PIK3R3: variants seen among roughly 807,000 people sequenced by gnomAD.
PIK3R3 encodes the protein phosphatidylinositol 3-kinase regulatory subunit gamma.
A neutral mutation model predicts 62.9 loss-of-function variants in PIK3R3; 64 were observed. The ratio of observed to expected loss-of-function variants is 1.02; its 90% CI spans 0.83 to 1.25. The LOEUF is 1.25. Among genes scored for constraint, PIK3R3 ranks in the 50% most tolerant of loss-of-function variants. The pLI, the probability that PIK3R3 is intolerant of heterozygous loss-of-function variation, is 0.00. For synonymous variants in PIK3R3, 165 were observed against 189.0 expected (o/e 0.87, Z 1.04); for missense variants, 614 against 561.6 (o/e 1.09, Z -0.94).
chr1:46,121,477 A>G (rs1654668766), intron 1 of PIK3R3, among the ~76,000 whole-genome samples: 1 of 152,126 alleles, frequency 6.6e-6, no homozygotes, highest in African/African-American at 2.4e-5. Flanking sequence ...ATTTTGATTC[A>G]TAATTGAATT....
At chr1:46,089,974 A>C (rs1452325509) in intron 1 of PIK3R3, among the ~76,000 whole-genome samples, 2 of 152,162 alleles carry the variant, frequency 1.3e-5, no homozygotes, top group African/African-American at 2.4e-5. Context: ...AAAAATAGGG[A>C]GGTAAAACAC....
chr1:46,116,160 T>C (rs1458625030), intron 1 of PIK3R3, among the ~76,000 whole-genome samples: 2 of 152,174 alleles, frequency 1.3e-5, no homozygotes, highest in Admixed American at 1.3e-4. Context: ...AGGCTGGTTC[T>C]TCCTCTGAAT....
chr1:46,094,052 G>C (rs1227119151), intron 1 of PIK3R3, among the ~76,000 whole-genome samples: 1 of 151,250 alleles, frequency 6.6e-6, no homozygotes, highest in Non-Finnish European at 1.5e-5. Context: ...CTGGGCAACA[G>C]AGTGAGACCC....
the PIK3R3 span, among the ~76,000 whole-genome samples, chr1:46,155,941 T>C: frequency 6.6e-6 from 1 of 152,192 alleles, no homozygotes; most frequent in Non-Finnish European, 1.5e-5. Flanking sequence ...TCTGAGTATT[T>C]ATAACAGAAA....
intron 1 of PIK3R3, among the ~76,000 whole-genome samples, chr1:46,129,598 G>GTATT (rs1458614828): frequency 3.3e-5 from 5 of 152,018 alleles, no homozygotes; most frequent in Admixed American, 6.6e-5. Context: ...AGTCCAGGAA[G>GTATT]GAAATAATAA....
chr1:46,089,526 T>C (rs529850437), intron 1 of PIK3R3, among the ~76,000 whole-genome samples: 5 of 152,082 alleles, frequency 3.3e-5, no homozygotes, highest in East Asian at 3.9e-4. Context: ...CCATCCTGGC[T>C]AACACAGTGA....
intron 2 of PIK3R3, among the ~76,000 whole-genome samples, chr1:46,079,882 A>T (rs550707437): frequency 1.4e-5 from 2 of 141,488 alleles, no homozygotes; most frequent in Non-Finnish European, 1.6e-5. Flanking sequence ...TGAACCCAAG[A>T]GGCGGAGGTT....
intron 6 of PIK3R3, among the ~76,000 whole-genome samples, chr1:46,059,150 T>C (rs1422306207): frequency 1.3e-5 from 2 of 152,248 alleles, no homozygotes; most frequent in African/African-American, 2.4e-5. Context: ...CTGCCATCCA[T>C]GTAAGACGTG....
the PIK3R3 span, among the ~76,000 whole-genome samples, chr1:46,139,768 G>A: frequency 6.6e-6 from 1 of 152,138 alleles, no homozygotes; most frequent in East Asian, 1.9e-4. Context: ...ACTTCTCACT[G>A]ATTCTGTTCT....
intron 5 of PIK3R3, among the ~76,000 whole-genome samples, chr1:46,062,803 G>A (rs1371182178): frequency 1.3e-5 from 2 of 152,030 alleles, no homozygotes; most frequent in African/African-American, 4.8e-5. Flanking sequence ...TTTCGGTTTC[G>A]GTTTCAGTTT....
intron 1 of PIK3R3, among the ~76,000 whole-genome samples, chr1:46,083,256 TG>T: frequency 6.6e-6 from 1 of 152,266 alleles, no homozygotes; most frequent in Non-Finnish European, 1.5e-5. Context: ...AACTAAAAAT[TG>T]ATCAAAGACC....
At chr1:46,152,529 T>C in the PIK3R3 span, among the ~76,000 whole-genome samples, 1 of 152,020 alleles carries the variant, frequency 6.6e-6, no homozygotes, top group Non-Finnish European at 1.5e-5. Flanking sequence ...CATTCCCTGG[T>C]ATCTCCCTTG....
At chr1:46,149,140 G>A in the PIK3R3 span, among the ~76,000 whole-genome samples, 176 of 152,158 alleles carry the variant, frequency 1.2e-3, 1 homozygote, top group African/African-American at 3.9e-3. Flanking sequence ...AGATACTCCC[G>A]GCTGGGCGGA....
intron 3 of PIK3R3, among the ~76,000 whole-genome samples, chr1:46,071,730 T>TAGAGAGAGAGAGAGAGAGAGAGAG (rs140765040): frequency 1.0e-4 from 6 of 59,062 alleles, no homozygotes; most frequent in African/African-American, 4.7e-4. Flanking sequence ...TATATATATA[T>TAGAGAGAGAGAGAGAGAGAGAGAG]AGAGAGAGAG....
the PIK3R3 span, among the ~76,000 whole-genome samples, chr1:46,140,251 C>A: frequency 6.6e-6 from 1 of 152,212 alleles, no homozygotes; most frequent in Non-Finnish European, 1.5e-5. Context: ...GCCGCAGCCT[C>A]CCATGTGCTA....
At chr1:46,049,930 G>A (rs1376031940) in intron 7 of PIK3R3, among the ~76,000 whole-genome samples, 2 of 151,984 alleles carry the variant, frequency 1.3e-5, no homozygotes, top group Non-Finnish European at 2.9e-5. Context: ...GACCAGGCTG[G>A]CTAACATGGT....
chr1:46,089,868 T>A, intron 1 of PIK3R3, among the ~76,000 whole-genome samples: 1 of 149,180 alleles, frequency 6.7e-6, no homozygotes, highest in African/African-American at 2.5e-5. Flanking sequence ...AAGGAAAGAG[T>A]GTATGGCATA....
chr1:46,121,414 A>C (rs1464480338), intron 1 of PIK3R3, among the ~76,000 whole-genome samples: 1 of 152,098 alleles, frequency 6.6e-6, no homozygotes, highest in East Asian at 1.9e-4. Context: ...TTTCCAGCAC[A>C]ACAATTCCTT....
chr1:46,116,481 G>A (rs1019388156), intron 1 of PIK3R3, among the ~76,000 whole-genome samples: 1 of 152,046 alleles, frequency 6.6e-6, no homozygotes, highest in Non-Finnish European at 1.5e-5. Context: ...TCAGGGCACC[G>A]CATGCTAGCT....
Sources: allele counts gnomAD v4.1 joint callset (sites outside exome capture counted in the v4.1 genomes callset), GRCh38; gene constraint gnomAD v4.1.1; transcripts MANE v1.5; gene names NCBI Gene and HGNC (gene_info 2026-07-23, HGNC 2026-07-21).